The following TNRC18 variants were observed in gnomAD, a reference collection of about 807,000 sequenced individuals.
The protein encoded by TNRC18 is trinucleotide repeat-containing gene 18 protein.
In TNRC18, 69 loss-of-function variants were observed where a neutral mutation model predicts 226.7. The ratio of observed to expected loss-of-function variants is 0.30; its 90% CI spans 0.25 to 0.37. The LOEUF is 0.37. Ranked by LOEUF, TNRC18 falls within the 10% of genes least tolerant of loss-of-function variation. The pLI is 1.00. For synonymous variants in TNRC18, 2,449 were observed against 1,927.6 expected (o/e 1.27, Z -7.09); for missense variants, 4,754 against 4,256.6 (o/e 1.12, Z -3.25).
At chr7:5,325,618 G>A (rs1788836235) in intron 19 of TNRC18, 1 of 223,278 alleles carries the variant, frequency 4.5e-6, no homozygotes, top group African/African-American at 2.4e-5. Flanking sequence ...TAGAGACGGG[G>A]TTTTACCGTG....
intron 2 of TNRC18, among the ~76,000 whole-genome samples, chr7:5,410,878 A>C (rs1584111342): frequency 2.0e-5 from 3 of 150,208 alleles, no homozygotes; most frequent in African/African-American, 7.3e-5. Flanking sequence ...AAAAAAAAAA[A>C]AAAAAAGGGA....
intron 16 of TNRC18, among the ~76,000 whole-genome samples, chr7:5,353,765 C>T (rs1411650661): frequency 3.9e-5 from 6 of 152,080 alleles, no homozygotes; most frequent in Admixed American, 6.6e-5. Flanking sequence ...AACAGAGGAG[C>T]GCTCTGCAGA....
Position 5,387,953 on chromosome 7 carries a change from G to A in TNRC18, c.1871C>T (p.Ala624Val). Residue 624 changes from alanine to valine, a missense_variant, in exon 5 of 30, where the codon GCG (alanine) becomes GTG (valine). Ala to Val is a moderately conservative substitution (Grantham distance 64, BLOSUM62 0). Transcript: ENST00000430969. The stretch of plus-strand genomic sequence containing the variant: ...TCGGGAGGCACCCGCAGAGGTGGGC[G>A]CAGGCTCGGGTTTCATGGTGCCCAA... ...GGLGTMKPEP[A>V]PTSAGASRAQ... 2.5e-6 allele frequency: 4 copies of A among 1,597,254 alleles called. No individual in the cohort carries two copies. The highest frequency in any genetic ancestry group is 2.6e-6 in the Non-Finnish European group (3 of 1,173,076).
chr7:5,410,723 G>A (rs111330374), intron 2 of TNRC18, among the ~76,000 whole-genome samples: 2,044 of 151,444 alleles, frequency 0.013, 53 homozygotes, highest in African/African-American at 0.047. Context: ...AAAATTAGTC[G>A]GGTGTGGTGG....
At chr7:5,340,277 G>A (rs1048086753) in intron 18 of TNRC18, among the ~76,000 whole-genome samples, 10 of 152,208 alleles carry the variant, frequency 6.6e-5, no homozygotes, top group African/African-American at 2.4e-4. Flanking sequence ...AAGTTTGAGT[G>A]ATCTGGAGAG....
chr7:5,402,884 G>T (rs531850808), intron 2 of TNRC18, among the ~76,000 whole-genome samples: 1 of 151,524 alleles, frequency 6.6e-6, no homozygotes, highest in African/African-American at 2.4e-5. Flanking sequence ...GGTGTGGAAT[G>T]GGGGGGCAAG....
At chr7:5,342,408 G>A (rs57155683) in intron 18 of TNRC18, among the ~76,000 whole-genome samples, 2 of 149,024 alleles carry the variant, frequency 1.3e-5, no homozygotes, top group East Asian at 2.0e-4. Flanking sequence ...CAGCCTGGGC[G>A]ACACAGCGAG....
chr7:5,396,480 A>G (rs1021819131), intron 2 of TNRC18, among the ~76,000 whole-genome samples: 6 of 152,116 alleles, frequency 3.9e-5, no homozygotes, highest in African/African-American at 1.4e-4. Flanking sequence ...CTGTGACTGC[A>G]ATTACAACAC....
chr7:5,320,852 C>T (rs1388854425), intron 22 of TNRC18, among the ~76,000 whole-genome samples: 5 of 152,268 alleles, frequency 3.3e-5, no homozygotes, highest in East Asian at 1.9e-4. Context: ...CACCCCTTCC[C>T]GCTGCGGAGC....
chr7:5,371,920 A>G (rs1217714602), intron 10 of TNRC18, among the ~76,000 whole-genome samples: 1 of 152,054 alleles, frequency 6.6e-6, no homozygotes, highest in Non-Finnish European at 1.5e-5. Flanking sequence ...TTTTTGAGAC[A>G]GAACTTCACT....
chr7:5,345,973 C>A (rs890502300), intron 17 of TNRC18, among the ~76,000 whole-genome samples, 163 bp from the exon 18 acceptor site: 5 of 152,184 alleles, frequency 3.3e-5, no homozygotes, highest in Non-Finnish European at 5.9e-5. Flanking sequence ...GGGTTCCCCC[C>A]ATCCGATGGC....
In TNRC18 at chr7:5,388,342, G is replaced by T. The variant is rs777049427; in HGVS notation, c.1482C>A (p.Phe494Leu). 3 of 1,589,716 alleles carry T rather than the reference G, an allele frequency of 1.9e-6. No individual in the cohort carries two copies. In the African/African-American group the frequency reaches 4.1e-5, roughly 22 times the overall value. The change falls in exon 5 of 30, where the codon TTC (phenylalanine) becomes TTA (leucine). Residue 494 changes from phenylalanine (F) to leucine (L), a missense_variant. Transcript: ENST00000430969. ...GPAAQQAAKL[F>L]GLEPGRPPPT... ...GCGGGGGGCGCCCGGGCTCCAGGCCGAAGAGCTTGGCGGCCTGTTGGGCTG... is the reference window on the plus strand; with the variant it reads ...GCGGGGGGCGCCCGGGCTCCAGGCCTAAGAGCTTGGCGGCCTGTTGGGCTG...
At chr7:5,356,405 C>G (rs889926843) in intron 16 of TNRC18, among the ~76,000 whole-genome samples, 1 of 152,152 alleles carries the variant, frequency 6.6e-6, no homozygotes, top group African/African-American at 2.4e-5. Context: ...CATAGCCGAG[C>G]ACGGTGGGCG....
intron 19 of TNRC18, 65 bp downstream of exon 19, chr7:5,332,557 A>C (rs1789641027): frequency 7.0e-7 from 1 of 1,438,578 alleles, no homozygotes; most frequent in Admixed American, 3.0e-5. Context: ...GGGAGGGGAG[A>C]GGGCCCCTCC....
chr7:5,405,780 T>C (rs775856046), intron 2 of TNRC18, among the ~76,000 whole-genome samples: 3 of 151,868 alleles, frequency 2.0e-5, no homozygotes, highest in Non-Finnish European at 4.4e-5. Context: ...ATACAGAAAT[T>C]AGCCCAGGCA....
At chr7:5,308,374 G>A in intron 29 of TNRC18, 62 bp from the exon 30 acceptor site, 3 of 1,475,780 alleles carry the variant, frequency 2.0e-6, no homozygotes, top group Non-Finnish European at 1.8e-6. Context: ...GGGAGCCCCA[G>A]GGAGCCACAG....
chr7:5,345,517 G>GGGGGGGGGGGGGCCC, intron 18 of TNRC18, 45 bp downstream of exon 18: 4 of 377,744 alleles, frequency 1.1e-5, no homozygotes, highest in African/African-American at 2.2e-5. Flanking sequence ...AATGGCGTCC[G>GGGGGGGGGGGGGCCC]CCCCTCCCAC....
intron 4 of TNRC18, 127 bp downstream of exon 4, chr7:5,390,358 C>CAA (rs11295332): frequency 9.3e-4 from 672 of 718,806 alleles, no homozygotes; most frequent in African/African-American, 5.4e-3. Flanking sequence ...GACCCTGTCT[C>CAA]AAAAAAAAAA....
chr7:5,370,264 A>AG, intron 11 of TNRC18, 111 bp downstream of exon 11: 2 of 1,276,642 alleles, frequency 1.6e-6, no homozygotes, highest in Non-Finnish European at 2.1e-6. Flanking sequence ...TTGAGGCTGC[A>AG]GTGAGCTAAG....
Sources: allele counts gnomAD v4.1 joint callset (sites outside exome capture counted in the v4.1 genomes callset), GRCh38; gene constraint gnomAD v4.1.1; transcripts MANE v1.5; gene names NCBI Gene and HGNC (gene_info 2026-07-23, HGNC 2026-07-21).